The following CERS6 variants were observed in gnomAD, a reference collection of about 807,000 sequenced individuals.
The protein encoded by CERS6 is LAG1 homolog, ceramide synthase 6.
Under a neutral mutation model 56.8 loss-of-function variants are expected in CERS6, and 26 were observed. The ratio of observed to expected loss-of-function variants is 0.46; its 90% CI spans 0.34 to 0.63. The LOEUF (loss-of-function observed/expected upper bound fraction) is 0.63, where lower values mean the gene tolerates loss of function less well. CERS6 is among the 30% of genes least tolerant of loss of function. The pLI, the probability that CERS6 is intolerant of heterozygous loss-of-function variation, is 0.01. For synonymous variants in CERS6, 164 were observed against 173.3 expected (o/e 0.95, Z 0.42); for missense variants, 415 against 467.5 (o/e 0.89, Z 1.04).
chr2:168,502,441 T>G (rs1694599920), intron 1 of CERS6, among the ~76,000 whole-genome samples: 1 of 151,910 alleles, frequency 6.6e-6, no homozygotes. Context: ...GGAGAAGAAG[T>G]CACTCACAGG....
intron 4 of CERS6, chr2:168,644,059 G>T: frequency 2.0e-6 from 2 of 982,068 alleles, no homozygotes; most frequent in Non-Finnish European, 2.4e-6. Flanking sequence ...AAATCTTTCT[G>T]TGGAAAGGTC....
At chr2:168,741,415 C>T (rs1005272731) in intron 8 of CERS6, among the ~76,000 whole-genome samples, 1 of 149,810 alleles carries the variant, frequency 6.7e-6, no homozygotes, top group African/African-American at 2.5e-5. Flanking sequence ...AGCTAGAAAA[C>T]CAGTTAGAGC....
chr2:168,693,496 G>A (rs1686557424), intron 5 of CERS6, among the ~76,000 whole-genome samples: 1 of 152,014 alleles, frequency 6.6e-6, no homozygotes. Context: ...GGCTCAAAGG[G>A]TCCTGAGCCA....
chr2:168,695,200 A>G (rs1303318970), intron 6 of CERS6, 149 bp downstream of exon 6: 6 of 617,438 alleles, frequency 9.7e-6, no homozygotes, highest in East Asian at 9.0e-5. Flanking sequence ...AAAGTTCTCT[A>G]TTTTTGTTTG....
chr2:168,525,196 C>G (rs547661343), intron 1 of CERS6, among the ~76,000 whole-genome samples: 4 of 152,328 alleles, frequency 2.6e-5, no homozygotes, highest in African/African-American at 9.6e-5. Flanking sequence ...CAGTGGTTCT[C>G]AAGCTTCAGC....
intron 1 of CERS6, among the ~76,000 whole-genome samples, chr2:168,534,347 G>C (rs1003761319): frequency 1.3e-5 from 2 of 150,952 alleles, no homozygotes; most frequent in African/African-American, 2.4e-5. Context: ...TTTCATCTTC[G>C]TGAGTTTGTC....
At chr2:168,757,162 T>A (rs1684438299) in intron 8 of CERS6, among the ~76,000 whole-genome samples, 1 of 152,054 alleles carries the variant, frequency 6.6e-6, no homozygotes, top group African/African-American at 2.4e-5. Flanking sequence ...CTCTCTTATG[T>A]ACACATAGGC....
chr2:168,477,216 A>G (rs905412102), intron 1 of CERS6, among the ~76,000 whole-genome samples: 3 of 128,190 alleles, frequency 2.3e-5, no homozygotes, highest in Non-Finnish European at 1.7e-5. Flanking sequence ...AGAGAGAGAG[A>G]GAGTCTCATA....
chr2:168,741,373 T>TAA (rs200311434), intron 8 of CERS6, among the ~76,000 whole-genome samples: 1 of 147,080 alleles, frequency 6.8e-6, no homozygotes. Context: ...TTTGGAGAAT[T>TAA]AAAAAAAAAA....
chr2:168,517,475 C>T (rs531186419), intron 1 of CERS6, among the ~76,000 whole-genome samples: 2 of 151,014 alleles, frequency 1.3e-5, no homozygotes, highest in African/African-American at 4.9e-5. Context: ...CTGGGCGATA[C>T]AGCAAGACAC....
intron 6 of CERS6, among the ~76,000 whole-genome samples, chr2:168,702,899 A>G (rs1200348036): frequency 1.3e-5 from 2 of 152,194 alleles, no homozygotes; most frequent in South Asian, 2.1e-4. Context: ...CAAATACTTC[A>G]ACCCAAACAA....
chr2:168,519,106 T>A (rs965553550), intron 1 of CERS6, among the ~76,000 whole-genome samples: 1 of 152,216 alleles, frequency 6.6e-6, no homozygotes, highest in Admixed American at 6.5e-5. Context: ...AGGTGTGCAA[T>A]AAGGATTTTT....
At chr2:168,763,314 T>C (rs2105462650) in intron 8 of CERS6, among the ~76,000 whole-genome samples, 1 of 147,996 alleles carries the variant, frequency 6.8e-6, no homozygotes, top group South Asian at 2.2e-4. Context: ...CGATCTTGGC[T>C]CACTGCAACC....
chr2:168,608,671 A>T (rs998506811), intron 3 of CERS6, among the ~76,000 whole-genome samples: 36 of 152,268 alleles, frequency 2.4e-4, no homozygotes, highest in African/African-American at 8.7e-4. Flanking sequence ...TAATTTATGT[A>T]TTGGTAGATA....
intron 3 of CERS6, among the ~76,000 whole-genome samples, chr2:168,589,199 G>A (rs1300417847): frequency 5.3e-5 from 8 of 152,098 alleles, no homozygotes; most frequent in East Asian, 1.9e-4. Flanking sequence ...ATTCTTGCCC[G>A]TACCTTTTAC....
At chr2:168,471,285 A>G (rs1356543792) in intron 1 of CERS6, among the ~76,000 whole-genome samples, 1 of 152,222 alleles carries the variant, frequency 6.6e-6, no homozygotes, top group Non-Finnish European at 1.5e-5. Flanking sequence ...CCTGGTTACC[A>G]GATGGTCTGT....
intron 3 of CERS6, among the ~76,000 whole-genome samples, chr2:168,629,952 G>A (rs1249045788): frequency 6.6e-6 from 1 of 151,480 alleles, no homozygotes. Flanking sequence ...AAGTAGGTGG[G>A]ACTATAGACG....
intron 8 of CERS6, among the ~76,000 whole-genome samples, chr2:168,721,555 T>G (rs868099368): frequency 5.0e-4 from 5 of 10,100 alleles, no homozygotes; most frequent in Non-Finnish European, 7.8e-4. Context: ...TTTGTTTTTG[T>G]TTTTTTTTTT....
At chr2:168,700,847 G>A (rs1686787388) in intron 6 of CERS6, among the ~76,000 whole-genome samples, 1 of 152,158 alleles carries the variant, frequency 6.6e-6, no homozygotes, top group East Asian at 1.9e-4. Flanking sequence ...CATCATAAAT[G>A]CTCAATAAAT....
Sources: gnomAD v4.1 joint callset for allele counts (sites outside exome capture counted in the v4.1 genomes callset) on GRCh38, gnomAD v4.1.1 for gene constraint, MANE v1.5 for transcripts, NCBI Gene and HGNC (gene_info 2026-07-23, HGNC 2026-07-21) for gene names.